The following MBNL2 variants were observed in gnomAD, a reference collection of about 807,000 sequenced individuals.
MBNL2 encodes the protein muscleblind like splicing regulator 2.
MBNL2 carries 17 observed loss-of-function variants against 41.9 expected under a neutral mutation model. That is an observed-to-expected ratio of 0.41 (90% CI 0.28 to 0.61). The LOEUF (loss-of-function observed/expected upper bound fraction) is 0.61. MBNL2 is among the 20% of genes least tolerant of loss of function. MBNL2 has a pLI of 0.35. For synonymous variants in MBNL2, 195 were observed against 182.9 expected (o/e 1.07, Z -0.53); for missense variants, 336 against 505.6 (o/e 0.66, Z 3.22).
At chr13:97,373,712 C>CTCT (rs2064640569) in intron 8 of MBNL2, among the ~76,000 whole-genome samples, 1 of 151,736 alleles carries the variant, frequency 6.6e-6, no homozygotes, top group African/African-American at 2.4e-5. Flanking sequence ...ATTAATTTTT[C>CTCT]TCTTCAAGAA....
the MBNL2 span, among the ~76,000 whole-genome samples, chr13:97,175,006 G>A: frequency 6.6e-6 from 1 of 152,192 alleles, no homozygotes; most frequent in Admixed American, 6.5e-5. Context: ...AGCTGTGGAG[G>A]TGTGCCTCAG....
chr13:97,162,454 A>G, the MBNL2 span, among the ~76,000 whole-genome samples: 2 of 152,088 alleles, frequency 1.3e-5, no homozygotes, highest in Admixed American at 6.6e-5. Flanking sequence ...ATAGGTGGAG[A>G]GGTGGGTGTA....
At chr13:97,255,559 C>CTA (rs2047364045) in intron 1 of MBNL2, among the ~76,000 whole-genome samples, 2 of 152,136 alleles carry the variant, frequency 1.3e-5, no homozygotes, top group African/African-American at 2.4e-5. Context: ...TGTGCAGGAA[C>CTA]TAACACTCAA....
intron 2 of MBNL2, among the ~76,000 whole-genome samples, chr13:97,291,091 G>A (rs1008896311): frequency 1.6e-4 from 24 of 152,152 alleles, no homozygotes; most frequent in African/African-American, 5.6e-4. Flanking sequence ...AGTCAGCCTG[G>A]AGGAGGGATG....
chr13:97,268,473 G>A lies in MBNL2; in HGVS notation c.-604-7159G>A, dbSNP rs774017148. 7.2e-5 allele frequency among the ~76,000 whole-genome samples: 11 copies of A among 152,112 alleles called. No individual in the cohort carries two copies. Among genetic ancestry groups the A allele is most frequent in the African/African-American group, 1.2e-4 (5 of 41,410 alleles). On this transcript the variant is annotated intron_variant, in intron 1 of 8. Coordinates refer to ENST00000679496, the MANE Select transcript of MBNL2 (RefSeq NM_001382683.1). This position sits in a 1 kb window ranked among gnomAD's most constrained non-coding sequence, Gnocchi z 4.6. ...GCCCAGGCACAACACTTTAAAAACC[G>A]CTGGACTAAAGATCTGGGCATTGAG...
chr13:97,366,791 G>T lies in MBNL2; in HGVS notation c.1048+1620G>T. 1.8e-6 allele frequency: 1 copy of T among 561,220 alleles called. No homozygotes were observed. Among genetic ancestry groups the T allele is most frequent in the Non-Finnish European group, 3.2e-6 (1 of 313,240 alleles). 34.8% of individuals were successfully genotyped at this position (561,220 alleles called of 1,614,324 possible). A position where few individuals can be genotyped will look rare whatever the true frequency, so the allele number is the denominator to read the frequency against. ...ACTGTTTGTTTTCGTACCTAATATT[G>T]TGTAATTAACCTGACAGGCTTAAAT... On this transcript the variant is annotated intron_variant, in intron 8 of 8. Transcript: ENST00000679496. This position sits in a 1 kb window ranked among gnomAD's most constrained non-coding sequence, Gnocchi z 4.7.
chr13:97,197,124 T>C, the MBNL2 span, among the ~76,000 whole-genome samples: 1 of 152,144 alleles, frequency 6.6e-6, no homozygotes, highest in Non-Finnish European at 1.5e-5. Context: ...CCATATTAAC[T>C]CTCCTATCTG....
Position 97,370,597 on chromosome 13 carries a change from A to G in MBNL2, c.1048+5426A>G, listed in dbSNP as rs192870444. On this transcript the variant is annotated intron_variant, in intron 8 of 8. Coordinates refer to ENST00000679496, the MANE Select transcript of MBNL2 (RefSeq NM_001382683.1). ...GGCAGGAGAATTGCTTGAACCCAGG[A>G]GGCAGAGGTTGCAGTGAGCTGAGAT... Among the ~76,000 whole-genome samples, 16 of 151,914 alleles carry G rather than the reference A, an allele frequency of 1.1e-4. 1 individual carries two copies. Among genetic ancestry groups the G allele is most frequent in the African/African-American group, 3.9e-4 (16 of 41,422 alleles).
chr13:97,208,713 A>G, the MBNL2 span, among the ~76,000 whole-genome samples: 78 of 152,350 alleles, frequency 5.1e-4, 3 homozygotes, highest in South Asian at 0.013. Context: ...CCTAATAATG[A>G]GATCAACCTC....
chr13:97,352,499 T>C (rs564297777), intron 5 of MBNL2, among the ~76,000 whole-genome samples: 1 of 152,314 alleles, frequency 6.6e-6, no homozygotes, highest in East Asian at 1.9e-4. Flanking sequence ...AGACCAGGCA[T>C]GACGTTTATC....
At chr13:97,155,762 T>C in the MBNL2 span, among the ~76,000 whole-genome samples, 1 of 152,180 alleles carries the variant, frequency 6.6e-6, no homozygotes, top group African/African-American at 2.4e-5. Flanking sequence ...TTCCATGGTG[T>C]ACATGCGCCA....
intron 2 of MBNL2, among the ~76,000 whole-genome samples, chr13:97,294,985 G>A (rs185443517): frequency 6.6e-6 from 1 of 152,122 alleles, no homozygotes; most frequent in Non-Finnish European, 1.5e-5. Context: ...TAACCACCCA[G>A]TTATTGCCAG....
the MBNL2 span, among the ~76,000 whole-genome samples, chr13:97,200,048 A>G: frequency 2.6e-5 from 4 of 152,262 alleles, no homozygotes; most frequent in Non-Finnish European, 5.9e-5. Flanking sequence ...ATAGGAGTCT[A>G]CATTGATGAA....
At chr13:97,242,061 A>G (rs772395716) in intron 1 of MBNL2, among the ~76,000 whole-genome samples, 31 of 152,270 alleles carry the variant, frequency 2.0e-4, no homozygotes, top group African/African-American at 5.3e-4. Context: ...GGCTAGGCCC[A>G]TGTTCCCACA....
chr13:97,187,593 TAAAAAAAAAAA>T, the MBNL2 span, among the ~76,000 whole-genome samples: 54 of 51,500 alleles, frequency 1.0e-3, no homozygotes, highest in East Asian at 1.8e-3. Flanking sequence ...CTATGCAGCT[TAAAAAAAAAAA>T]AAAAAAAAAA....
chr13:97,331,317 T>G (rs1365963952), intron 2 of MBNL2, among the ~76,000 whole-genome samples: 1 of 152,178 alleles, frequency 6.6e-6, no homozygotes, highest in Non-Finnish European at 1.5e-5. Context: ...GTCAAGTAAT[T>G]GCTCAAAGTC....
intron 7 of MBNL2, among the ~76,000 whole-genome samples, chr13:97,360,097 A>G (rs1396123758): frequency 2.0e-5 from 3 of 152,228 alleles, no homozygotes; most frequent in Non-Finnish European, 4.4e-5. Flanking sequence ...AAAAATAATT[A>G]TTATAACTTG....
At chr13:97,166,745 T>C in the MBNL2 span, among the ~76,000 whole-genome samples, 1 of 151,916 alleles carries the variant, frequency 6.6e-6, no homozygotes, top group Non-Finnish European at 1.5e-5. Flanking sequence ...TTGTGGGGCC[T>C]TGTGATCGTG....
chr13:97,157,127 T>G, the MBNL2 span, among the ~76,000 whole-genome samples: 7 of 149,678 alleles, frequency 4.7e-5, no homozygotes, highest in Non-Finnish European at 1.0e-4. Context: ...GTAAGTTGGA[T>G]TCCTAGGGAT....
Sources: allele counts gnomAD v4.1 joint callset (sites outside exome capture counted in the v4.1 genomes callset), GRCh38; gene constraint gnomAD v4.1.1; non-coding constraint Gnocchi (gnomAD v3.1); transcripts MANE v1.5; gene names NCBI Gene and HGNC (gene_info 2026-07-23, HGNC 2026-07-21).